Variants in BRINP1 observed in about 807,000 individuals in gnomAD.
BRINP1 encodes the protein BMP/retinoic acid inducible neural specific 1, also known as BMP/retinoic acid-inducible neural-specific protein 1.
Under a neutral mutation model 72.9 loss-of-function variants are expected in BRINP1, and 17 were observed. That is an observed-to-expected ratio of 0.23 (90% CI 0.16 to 0.35). The LOEUF is 0.35. Among genes scored for constraint, BRINP1 ranks in the 10% least tolerant of loss-of-function variants. The pLI is 1.00. For missense variants in BRINP1, 850 were observed against 1,001.6 expected (o/e 0.85, Z 2.04); for synonymous variants, 418 against 378.5 (o/e 1.10, Z -1.21).
chr9:119,194,641 A>C (rs117143381), intron 7 of BRINP1, among the ~76,000 whole-genome samples: 2 of 152,342 alleles, frequency 1.3e-5, no homozygotes, highest in East Asian at 3.9e-4. Flanking sequence ...GACCTTGTGC[A>C]AGGCCTGGAG....
At chr9:119,216,884 T>C (rs969784265) in intron 5 of BRINP1, among the ~76,000 whole-genome samples, 2 of 152,128 alleles carry the variant, frequency 1.3e-5, no homozygotes, top group African/African-American at 2.4e-5. Flanking sequence ...TGAAAACAGA[T>C]GAAGTTTGGG....
intron 4 of BRINP1, among the ~76,000 whole-genome samples, chr9:119,240,659 C>T (rs1185646212): frequency 1.3e-5 from 2 of 152,182 alleles, no homozygotes; most frequent in Non-Finnish European, 2.9e-5. Flanking sequence ...CTCCCAAATA[C>T]AGGCGATTCT....
At chr9:119,224,289 T>G (rs1830070250) in intron 5 of BRINP1, among the ~76,000 whole-genome samples, 1 of 152,016 alleles carries the variant, frequency 6.6e-6, no homozygotes, top group African/African-American at 2.4e-5. Flanking sequence ...GTAGAGGAGT[T>G]TGGGAAAGTC....
chr9:119,350,543 T>C (rs1329103949), intron 1 of BRINP1, among the ~76,000 whole-genome samples: 5 of 152,128 alleles, frequency 3.3e-5, no homozygotes, highest in Admixed American at 3.3e-4. Context: ...TATCAGCTGG[T>C]GCATATATAT....
intron 2 of BRINP1, among the ~76,000 whole-genome samples, chr9:119,263,199 GTT>G (rs954790243): frequency 1.3e-5 from 2 of 152,152 alleles, no homozygotes; most frequent in Non-Finnish European, 2.9e-5. Context: ...GAGAATCCAT[GTT>G]AAAATACAGA....
chr9:119,358,442 C>T (rs1343533885), intron 1 of BRINP1, among the ~76,000 whole-genome samples: 2 of 150,220 alleles, frequency 1.3e-5, no homozygotes, highest in Non-Finnish European at 2.9e-5. Flanking sequence ...GCCTGTAATC[C>T]CAGCACTTTG....
At chr9:119,184,218 A>G (rs1829589103) in intron 7 of BRINP1, among the ~76,000 whole-genome samples, 1 of 152,150 alleles carries the variant, frequency 6.6e-6, no homozygotes, top group Non-Finnish European at 1.5e-5. Flanking sequence ...GTGCAAATGG[A>G]GAGATTCCTA....
intron 2 of BRINP1, among the ~76,000 whole-genome samples, chr9:119,256,792 A>C (rs879911762): frequency 1.3e-5 from 2 of 152,204 alleles, no homozygotes; most frequent in African/African-American, 2.4e-5. Context: ...CGCACTGGAT[A>C]AATGTGTTTC....
intron 2 of BRINP1, among the ~76,000 whole-genome samples, chr9:119,259,304 C>T (rs1830475994): frequency 6.6e-6 from 1 of 152,158 alleles, no homozygotes; most frequent in Non-Finnish European, 1.5e-5. Flanking sequence ...TTAGTATTTA[C>T]CTTGCAGCAT....
At chr9:119,194,456 C>T (rs567708529) in intron 7 of BRINP1, among the ~76,000 whole-genome samples, 24 of 152,278 alleles carry the variant, frequency 1.6e-4, no homozygotes, top group African/African-American at 5.8e-4. Context: ...ACTCTGGTGA[C>T]TGTGTTCTTT....
Position 119,248,946 on chromosome 9 carries a change from G to A in BRINP1, c.409+14C>T, listed in dbSNP as rs1830350453. On this transcript the variant is annotated intron_variant, in intron 3 of 7. Transcript: ENST00000265922. Reference sequence around the variant, plus strand: ...AGTCATGAGAAGGCTCTGGCCCAGTGGCTGCTGACCTACCTCCCAATGTGG... The same window carrying A: ...AGTCATGAGAAGGCTCTGGCCCAGTAGCTGCTGACCTACCTCCCAATGTGG... 6.2e-7 allele frequency: 1 copy of A among 1,605,496 alleles called. No homozygotes were observed. The highest frequency in any genetic ancestry group is 1.3e-5 in the African/African-American group (1 of 74,810).
chr9:119,286,420 G>C (rs1485459247), intron 2 of BRINP1, among the ~76,000 whole-genome samples: 3 of 152,108 alleles, frequency 2.0e-5, no homozygotes, highest in Non-Finnish European at 2.9e-5. Context: ...ATTTTTAGTA[G>C]AGATGGGGTT....
At chr9:119,256,306 G>C (rs772496416) in intron 2 of BRINP1, among the ~76,000 whole-genome samples, 81 of 152,202 alleles carry the variant, frequency 5.3e-4, no homozygotes, top group Non-Finnish European at 9.1e-4. Flanking sequence ...GGAAAGCTGG[G>C]TGATAGTGGA....
In BRINP1 at chr9:119,313,373, T is replaced by C; in HGVS notation, c.-18A>G. 1 of 1,612,858 alleles carries C rather than the reference T, an allele frequency of 6.2e-7. No homozygotes were observed. Among genetic ancestry groups the C allele is most frequent in the South Asian group, 1.1e-5 (1 of 90,998 alleles). The stretch of plus-strand genomic sequence containing the variant: ...CAGTTCATGCTTTTCTGCCGGCCTT[T>C]TTCCTCTCATTCTTGCTCCATTCTG... On this transcript the variant is annotated 5_prime_UTR_variant, in exon 2 of 8. Transcript: ENST00000265922.
At chr9:119,184,073 C>T (rs1475440488) in intron 7 of BRINP1, among the ~76,000 whole-genome samples, 9 of 151,964 alleles carry the variant, frequency 5.9e-5, no homozygotes, top group East Asian at 3.9e-4. Flanking sequence ...AAGCTACTTC[C>T]GAGCCACAGG....
chr9:119,251,699 G>A (rs1201406242), intron 2 of BRINP1, among the ~76,000 whole-genome samples: 1 of 147,356 alleles, frequency 6.8e-6, no homozygotes, highest in Non-Finnish European at 1.5e-5. Flanking sequence ...AAATAGGGGG[G>A]AGCATGAAAA....
At chr9:119,184,090 G>A (rs1274888444) in intron 7 of BRINP1, among the ~76,000 whole-genome samples, 1 of 151,868 alleles carries the variant, frequency 6.6e-6, no homozygotes, top group Non-Finnish European at 1.5e-5. Context: ...CAGGGGGGGA[G>A]AAAAAAAGAA....
intron 2 of BRINP1, among the ~76,000 whole-genome samples, chr9:119,258,267 C>T (rs1830464360): frequency 6.6e-6 from 1 of 152,120 alleles, no homozygotes; most frequent in Non-Finnish European, 1.5e-5. Context: ...ATGTGTGTTT[C>T]TCATTGCACA....
intron 1 of BRINP1, among the ~76,000 whole-genome samples, chr9:119,351,589 C>G (rs1397572504): frequency 6.6e-6 from 1 of 152,156 alleles, no homozygotes; most frequent in Non-Finnish European, 1.5e-5. Flanking sequence ...CCTAACAATG[C>G]AAAGCACTTT....
Sources: allele counts gnomAD v4.1 joint callset (sites outside exome capture counted in the v4.1 genomes callset), GRCh38; gene constraint gnomAD v4.1.1; transcripts MANE v1.5; gene names NCBI Gene and HGNC (gene_info 2026-07-23, HGNC 2026-07-21).